HLCS: variants seen among roughly 807,000 people sequenced by gnomAD.
The protein encoded by HLCS is biotin--protein ligase.
HLCS carries 53 observed loss-of-function variants against 75.0 expected under a neutral mutation model. That is an observed-to-expected ratio of 0.71 (90% confidence interval 0.57 to 0.89). The LOEUF is 0.89. HLCS is among the 40% of genes least tolerant of loss of function. The pLI, the probability that HLCS is intolerant of heterozygous loss-of-function variation, is 0.00. For synonymous variants in HLCS, 431 were observed against 428.6 expected (o/e 1.01, Z -0.07); for missense variants, 966 against 1,074.0 (o/e 0.90, Z 1.41).
chr21:36,863,865 G>A (rs2063465703), intron 6 of HLCS, among the ~76,000 whole-genome samples: 1 of 151,970 alleles, frequency 6.6e-6, no homozygotes, highest in Non-Finnish European at 1.5e-5. Flanking sequence ...TTGCCACAAA[G>A]TAGTGGGCTT....
Position 36,928,517 on chromosome 21 carries a change from C to A in HLCS, c.1620+1734G>T, listed in dbSNP as rs536621576. ...CTTGGGAGGTGGAGGCTGCAGTGAG[C>A]CATGATTGCACCACTACACTCCAGC... is the stretch of plus-strand genomic sequence containing the variant. On this transcript the variant is annotated intron_variant, in intron 5 of 10. Transcript: ENST00000674895. Among the ~76,000 whole-genome samples the A allele has an allele frequency of 5.9e-5, 9 of 152,244 alleles. 1 individual carries two copies. The highest frequency in any genetic ancestry group is 1.0e-4 in the Non-Finnish European group (7 of 68,000).
In HLCS at chr21:36,930,362, G is replaced by T; in HGVS notation, c.1509C>A (p.Ser503Arg). ...TPEDFNLLKS[S>R]NFRRYEVLRE... is the part of the protein sequence containing the mutation. ...TAAGGACTTCGTATCTTCTAAAATT[G>T]CTTGACTTGAGCAAGTTAAAATCTT... The change falls in exon 5 of 11, where the codon AGC becomes AGA. Residue 503 changes from serine to arginine, a missense_variant. Coordinates refer to ENST00000674895, the MANE Select transcript of HLCS (RefSeq NM_001352514.2). The T allele has an allele frequency of 6.2e-7, 1 of 1,614,114 alleles. No homozygotes were observed. Among genetic ancestry groups the T allele is most frequent in the Non-Finnish European group, 8.5e-7 (1 of 1,179,984 alleles).
intron 1 of HLCS, chr21:36,980,531 T>C (rs556365095): frequency 6.6e-6 from 1 of 152,324 alleles, no homozygotes; most frequent in African/African-American, 2.4e-5. Flanking sequence ...CCGTGGAATC[T>C]GGTAAGTTCT....
intron 8 of HLCS, among the ~76,000 whole-genome samples, chr21:36,760,197 C>A (rs2089777082): frequency 6.6e-6 from 1 of 152,110 alleles, no homozygotes; most frequent in Non-Finnish European, 1.5e-5. Flanking sequence ...CGTGCTAGGG[C>A]CAGAGGGTGG....
intron 5 of HLCS, 130 bp from the exon 6 acceptor site, chr21:36,897,261 CAT>C: frequency 1.2e-6 from 1 of 841,564 alleles, no homozygotes; most frequent in Non-Finnish European, 2.0e-6. Context: ...GCTAGATTAA[CAT>C]ATTCCATACA....
At chr21:36,952,639 A>C (rs1318942287) in intron 2 of HLCS, among the ~76,000 whole-genome samples, 1 of 152,032 alleles carries the variant, frequency 6.6e-6, no homozygotes, top group Admixed American at 6.6e-5. Flanking sequence ...TAAAAATAAA[A>C]AATTAGCTGG....
intron 6 of HLCS, among the ~76,000 whole-genome samples, chr21:36,885,680 G>C (rs971486847): frequency 6.6e-6 from 1 of 152,080 alleles, no homozygotes; most frequent in African/African-American, 2.4e-5. Flanking sequence ...TATGTACTAA[G>C]AGTCTGCTGA....
chr21:36,793,492 G>C (rs951352685), intron 6 of HLCS, among the ~76,000 whole-genome samples: 5 of 151,970 alleles, frequency 3.3e-5, no homozygotes, highest in Non-Finnish European at 5.9e-5. Context: ...AGTAGAGACA[G>C]AGTTTCTCCA....
intron 6 of HLCS, among the ~76,000 whole-genome samples, chr21:36,866,596 C>T (rs979264807): frequency 6.6e-6 from 1 of 152,158 alleles, no homozygotes; most frequent in African/African-American, 2.4e-5. Context: ...CATGACTGGG[C>T]AAATTCACAG....
intron 8 of HLCS, among the ~76,000 whole-genome samples, chr21:36,762,501 TG>T (rs2089886183): frequency 6.6e-6 from 1 of 151,564 alleles, no homozygotes; most frequent in South Asian, 2.1e-4. Context: ...CTGGGGAGGG[TG>T]GTCATGATTT....
At chr21:36,960,601 A>C (rs2068240824) in intron 2 of HLCS, among the ~76,000 whole-genome samples, 1 of 152,196 alleles carries the variant, frequency 6.6e-6, no homozygotes, top group African/African-American at 2.4e-5. Context: ...GTTCACCCTG[A>C]ATTCCAGTCA....
chr21:36,942,594 C>A (rs558941909), intron 2 of HLCS, among the ~76,000 whole-genome samples: 6 of 152,040 alleles, frequency 3.9e-5, no homozygotes, highest in African/African-American at 1.4e-4. Context: ...TTAGATAAGA[C>A]ACCAAAAACA....
At chr21:36,910,952 A>C (rs1569181042) in intron 5 of HLCS, among the ~76,000 whole-genome samples, 1 of 152,208 alleles carries the variant, frequency 6.6e-6, no homozygotes. Context: ...TCCACCTTCC[A>C]GTGGCTTACT....
At chr21:36,833,226 C>T (rs1217591777) in intron 6 of HLCS, among the ~76,000 whole-genome samples, 3 of 151,342 alleles carry the variant, frequency 2.0e-5, no homozygotes, top group African/African-American at 7.3e-5. Context: ...TGAGGTCTCA[C>T]TTTGTTGCCC....
chr21:36,807,702 T>C (rs1316394345), intron 6 of HLCS, among the ~76,000 whole-genome samples: 1 of 152,146 alleles, frequency 6.6e-6, no homozygotes, highest in African/African-American at 2.4e-5. Flanking sequence ...CCGCGTTTCA[T>C]CCTCACCACG....
chr21:36,869,185 T>C (rs973091273), intron 6 of HLCS, among the ~76,000 whole-genome samples: 7 of 152,026 alleles, frequency 4.6e-5, no homozygotes, highest in African/African-American at 1.4e-4. Flanking sequence ...AGTGCAGTGG[T>C]GCGATCTCGG....
intron 5 of HLCS, among the ~76,000 whole-genome samples, chr21:36,916,537 T>TTC (rs2065940300): frequency 6.9e-6 from 1 of 145,500 alleles, no homozygotes; most frequent in African/African-American, 2.6e-5. Context: ...TTTTTTTTTT[T>TTC]TTTTTTTTAT....
intron 6 of HLCS, among the ~76,000 whole-genome samples, chr21:36,791,705 A>G (rs944851320): frequency 3.3e-5 from 5 of 152,010 alleles, no homozygotes; most frequent in African/African-American, 1.2e-4. Context: ...AGCACCCTCG[A>G]GGGTGGGCCC....
intron 6 of HLCS, among the ~76,000 whole-genome samples, chr21:36,893,052 G>C (rs1488910090): frequency 6.6e-6 from 1 of 152,106 alleles, no homozygotes; most frequent in Non-Finnish European, 1.5e-5. Flanking sequence ...TGCAATTACA[G>C]GCATGAGCCA....
Sources: gnomAD v4.1 joint callset for allele counts (sites outside exome capture counted in the v4.1 genomes callset) on GRCh38, gnomAD v4.1.1 for gene constraint, MANE v1.5 for transcripts, NCBI Gene and HGNC (gene_info 2026-07-23, HGNC 2026-07-21) for gene names.